Variants in RAB5A observed in about 807,000 individuals in gnomAD.
The protein encoded by RAB5A is RAB5A, member RAS oncogene family.
RAB5A carries 8 observed loss-of-function variants against 25.7 expected under a neutral mutation model. The ratio of observed to expected loss-of-function variants is 0.31; its 90% CI spans 0.18 to 0.56. The LOEUF is 0.56. Ranked by LOEUF, RAB5A falls within the 20% of genes least tolerant of loss-of-function variation. The pLI is 0.91. For synonymous variants in RAB5A, 98 were observed against 89.8 expected (o/e 1.09, Z -0.52); for missense variants, 192 against 259.7 (o/e 0.74, Z 1.79).
intron 4 of RAB5A, among the ~76,000 whole-genome samples, chr3:19,976,616 C>T (rs754367933): frequency 6.6e-6 from 1 of 152,102 alleles, no homozygotes; most frequent in Non-Finnish European, 1.5e-5. Context: ...ACCCAGGAGG[C>T]GGAGGTTGTG....
chr3:19,959,066 T>C (rs183944666), intron 2 of RAB5A, among the ~76,000 whole-genome samples: 219 of 152,378 alleles, frequency 1.4e-3, no homozygotes, highest in Middle Eastern at 3.4e-3. Context: ...TTGGAATCAT[T>C]ATGAGCATCA....
intron 5 of RAB5A, among the ~76,000 whole-genome samples, chr3:19,979,388 A>G (rs1009711975): frequency 1.7e-4 from 25 of 149,432 alleles, no homozygotes; most frequent in African/African-American, 5.9e-4. Flanking sequence ...GATTCACGCC[A>G]TTCTCCTGCC....
At chr3:19,947,908 G>A (rs975271031) in intron 1 of RAB5A, 18 of 152,586 alleles carry the variant, frequency 1.2e-4, no homozygotes, top group East Asian at 3.9e-4. Flanking sequence ...GACCTGGCGA[G>A]TGCTGCTTAT....
intron 1 of RAB5A, among the ~76,000 whole-genome samples, chr3:19,949,076 GAAATTAAA>G (rs1696382307): frequency 6.6e-6 from 1 of 152,140 alleles, no homozygotes; most frequent in African/African-American, 2.4e-5. Context: ...TAGAAACTTG[GAAATTAAA>G]GAGTTTGCCC....
chr3:19,975,342 C>T lies in RAB5A; in HGVS notation c.164-259C>T, dbSNP rs553139753. 1.1e-4 allele frequency among the ~76,000 whole-genome samples: 16 copies of T among 152,064 alleles called. No individual in the cohort carries two copies. In the Middle Eastern group the frequency reaches 0.017, roughly 162 times the overall value. Reference sequence around the variant, plus strand: ...TCACTACAAAGGCCCTATATGTAAGCATATATGTAAATAGCTTAGAAGCAC... The same window carrying T: ...TCACTACAAAGGCCCTATATGTAAGTATATATGTAAATAGCTTAGAAGCAC... On this transcript the variant is annotated intron_variant, in intron 2 of 5. Transcript: ENST00000273047.
chr3:19,981,753 G>T (rs79711466), intron 5 of RAB5A, among the ~76,000 whole-genome samples: 11 of 152,246 alleles, frequency 7.2e-5, no homozygotes, highest in Non-Finnish European at 1.3e-4. Context: ...CCAGAGAACA[G>T]CCACTAGCTG....
chr3:19,959,201 CT>C (rs1278827949), intron 2 of RAB5A, among the ~76,000 whole-genome samples: 1 of 152,026 alleles, frequency 6.6e-6, no homozygotes, highest in Non-Finnish European at 1.5e-5. Context: ...TAATTTACTG[CT>C]TTTATTTGTT....
At chr3:19,951,154 A>G in intron 2 of RAB5A, 93 bp downstream of exon 2, 1 of 1,432,342 alleles carries the variant, frequency 7.0e-7, no homozygotes, top group Non-Finnish European at 9.5e-7. Context: ...TGAATAGCTA[A>G]ATAAGTCATA....
chr3:19,952,981 A>G (rs978666646), intron 2 of RAB5A, among the ~76,000 whole-genome samples: 5 of 152,164 alleles, frequency 3.3e-5, no homozygotes, highest in African/African-American at 9.7e-5. Context: ...CCCAAAGTAT[A>G]TGTGCATTCT....
intron 5 of RAB5A, 39 bp from the exon 6 acceptor site, chr3:19,983,669 G>T (rs997864990): frequency 7.7e-7 from 1 of 1,303,210 alleles, no homozygotes; most frequent in Admixed American, 1.9e-5. Flanking sequence ...ATTAATATGA[G>T]TATTCAAATA....
intron 2 of RAB5A, 120 bp from the exon 3 acceptor site, chr3:19,975,481 G>C (rs751242785): frequency 7.8e-6 from 7 of 892,156 alleles, no homozygotes; most frequent in Non-Finnish European, 1.1e-5. Flanking sequence ...ACACATAATA[G>C]TTGTACATAC....
chr3:19,984,685 AT>A lies in RAB5A; in HGVS notation c.*866del, dbSNP rs1696999083. ...CAATTATGTATATTCAAACTTGATT[AT>A]TTTAAATTCGATCTTCAGCTGTACT... On this transcript the variant is annotated 3_prime_UTR_variant, in exon 6 of 6. Transcript: ENST00000273047. The A allele has an allele frequency of 6.5e-6, 1 of 154,956 alleles. No individual in the cohort carries two copies. The allele number at this position is 154,956 out of a possible 1,614,324, so 9.6% of individuals were successfully genotyped here.
intron 1 of RAB5A, among the ~76,000 whole-genome samples, chr3:19,948,164 C>A (rs1349893986): frequency 1.3e-5 from 2 of 152,164 alleles, no homozygotes; most frequent in Non-Finnish European, 2.9e-5. Context: ...TGGGTAGAGA[C>A]CATGGAACTT....
intron 4 of RAB5A, among the ~76,000 whole-genome samples, chr3:19,977,354 G>C (rs561697559): frequency 6.6e-6 from 1 of 152,288 alleles, no homozygotes; most frequent in East Asian, 1.9e-4. Flanking sequence ...GATTACAGGC[G>C]TGAGCCACCA....
intron 2 of RAB5A, among the ~76,000 whole-genome samples, chr3:19,975,152 G>T (rs954586136): frequency 6.6e-6 from 1 of 151,880 alleles, no homozygotes; most frequent in Admixed American, 6.6e-5. Context: ...CTTGAACCCG[G>T]GAGGCGGAGG....
chr3:19,953,795 G>T (rs1314206167), intron 2 of RAB5A, among the ~76,000 whole-genome samples: 2 of 152,110 alleles, frequency 1.3e-5, no homozygotes, highest in Admixed American at 6.5e-5. Context: ...TACCATTATG[G>T]TTATAGCTGT....
chr3:19,971,799 AT>A (rs1696756351), intron 2 of RAB5A, among the ~76,000 whole-genome samples: 1 of 152,164 alleles, frequency 6.6e-6, no homozygotes, highest in African/African-American at 2.4e-5. Flanking sequence ...CAGGTGAAAA[AT>A]ATCTTGATGT....
At chr3:19,971,291 G>T (rs1696748063) in intron 2 of RAB5A, among the ~76,000 whole-genome samples, 1 of 151,602 alleles carries the variant, frequency 6.6e-6, no homozygotes, top group South Asian at 2.1e-4. Context: ...TATATCAAGA[G>T]TTTATTATAG....
chr3:19,949,981 T>G (rs1440406818), intron 1 of RAB5A, among the ~76,000 whole-genome samples: 1 of 152,176 alleles, frequency 6.6e-6, no homozygotes, highest in Non-Finnish European at 1.5e-5. Flanking sequence ...TAGGTTGCAG[T>G]GAGCTGTGAC....
Sources: allele counts gnomAD v4.1 joint callset (sites outside exome capture counted in the v4.1 genomes callset), GRCh38; gene constraint gnomAD v4.1.1; transcripts MANE v1.5; gene names NCBI Gene and HGNC (gene_info 2026-07-23, HGNC 2026-07-21).